AMD1: variants seen among roughly 807,000 people sequenced by gnomAD.
The protein encoded by AMD1 is adenosylmethionine decarboxylase 1.
Under a neutral mutation model 40.2 loss-of-function variants are expected in AMD1, and 11 were observed. The ratio of observed to expected loss-of-function variants is 0.27; its 90% confidence interval spans 0.17 to 0.45. The LOEUF (loss-of-function observed/expected upper bound fraction) is 0.45. AMD1 is among the 20% of genes least tolerant of loss of function. The pLI, the probability that AMD1 is intolerant of heterozygous loss-of-function variation, is 1.00. For synonymous variants in AMD1, 121 were observed against 130.8 expected (o/e 0.93, Z 0.51); for missense variants, 257 against 410.2 (o/e 0.63, Z 3.23).
the AMD1 span, among the ~76,000 whole-genome samples, chr6:110,843,623 A>G: frequency 6.6e-6 from 1 of 152,146 alleles, no homozygotes; most frequent in African/African-American, 2.4e-5. Context: ...GGGTCTCACT[A>G]TTACCCAGGC....
chr6:110,859,024 G>A, the AMD1 span: 3 of 1,215,630 alleles, frequency 2.5e-6, no homozygotes, highest in Non-Finnish European at 2.4e-6. Context: ...GGCCTGGGCC[G>A]GCAGATACAT....
At chr6:110,851,289 A>T in the AMD1 span, among the ~76,000 whole-genome samples, 1 of 152,124 alleles carries the variant, frequency 6.6e-6, no homozygotes, top group African/African-American at 2.4e-5. Context: ...TTTAATAAAG[A>T]AGGGGTCTCA....
the AMD1 span, among the ~76,000 whole-genome samples, chr6:110,851,569 T>C: frequency 1.9e-4 from 29 of 152,076 alleles, no homozygotes; most frequent in South Asian, 6.0e-3. Context: ...TTCAAGCGAT[T>C]CTCCTGACTC....
rs1786247277 is a variant in AMD1, at chr6:110,895,413, C to CA, written c.*1799dup. 1.3e-5 allele frequency: 2 copies of CA among 151,830 alleles called. No homozygotes were observed. Among genetic ancestry groups the CA allele is most frequent in the African/African-American group, 4.8e-5 (2 of 41,248 alleles). The allele number at this position is 151,830 out of a possible 1,614,324, so 9.4% of individuals were successfully genotyped here. On this transcript the variant is annotated 3_prime_UTR_variant, in exon 9 of 9. Coordinates refer to ENST00000368885, the MANE Select transcript of AMD1 (RefSeq NM_001634.6). ...TGGACTTTGTTCGTAAACAATATCC[C>CA]AATAGATTTGTTGACTTGAGGTCTG...
chr6:110,857,641 A>ATATATATAGGTGG, the AMD1 span, among the ~76,000 whole-genome samples: 1,542 of 130,384 alleles, frequency 0.012, 16 homozygotes, highest in Middle Eastern at 0.024. Flanking sequence ...TATAGATGGT[A>ATATATATAGGTGG]TATATATATA....
the AMD1 span, among the ~76,000 whole-genome samples, chr6:110,851,744 G>T: frequency 1.5e-3 from 222 of 152,264 alleles, 1 homozygote; most frequent in African/African-American, 5.2e-3. Flanking sequence ...TTACAAGTGT[G>T]AGCCACTGCA....
the AMD1 span, among the ~76,000 whole-genome samples, chr6:110,844,233 A>AAAAAG: frequency 7.3e-5 from 11 of 151,538 alleles, no homozygotes; most frequent in South Asian, 1.9e-3. Context: ...ACTTCAAAAA[A>AAAAAG]AAAGAAAGAA....
chr6:110,887,185 G>A (rs1380010612), intron 1 of AMD1, among the ~76,000 whole-genome samples: 1 of 151,972 alleles, frequency 6.6e-6, no homozygotes, highest in Non-Finnish European at 1.5e-5. Context: ...TATAGACAAA[G>A]TATCCCATTG....
At chr6:110,830,529 C>T in the AMD1 span, among the ~76,000 whole-genome samples, 194 of 152,310 alleles carry the variant, frequency 1.3e-3, 1 homozygote, top group African/African-American at 4.5e-3. Flanking sequence ...CACTGCTTTT[C>T]TGAAAATTTC....
chr6:110,860,212 C>T, the AMD1 span, among the ~76,000 whole-genome samples: 45 of 151,768 alleles, frequency 3.0e-4, no homozygotes, highest in East Asian at 3.9e-3. Context: ...CCTGGCCACA[C>T]GCCCCACCGA....
the AMD1 span, chr6:110,863,958 C>T: frequency 1.1e-5 from 5 of 469,844 alleles, no homozygotes; most frequent in Admixed American, 5.0e-5. Context: ...AACCAGTTAC[C>T]ACTAATCTTT....
chr6:110,890,405 T>TG, intron 4 of AMD1, 49 bp downstream of exon 4: 1 of 1,322,730 alleles, frequency 7.6e-7, no homozygotes, highest in South Asian at 1.3e-5. Context: ...AGATAGAAAG[T>TG]GCAACCTCAG....
At chr6:110,858,362 A>G in the AMD1 span, 1 of 812,130 alleles carries the variant, frequency 1.2e-6, no homozygotes, top group Non-Finnish European at 2.2e-6. Context: ...CGAGGGACTC[A>G]CCAGCCTCTC....
At chr6:110,835,342 C>T in the AMD1 span, among the ~76,000 whole-genome samples, 1 of 152,020 alleles carries the variant, frequency 6.6e-6, no homozygotes, top group Non-Finnish European at 1.5e-5. Flanking sequence ...TATGATACTA[C>T]ATAAAAACTC....
intron 6 of AMD1, 84 bp downstream of exon 6, chr6:110,892,527 AG>A: frequency 6.4e-7 from 1 of 1,572,838 alleles, no homozygotes. Context: ...TTTTAAGTTC[AG>A]GGTAACAAGT....
chr6:110,834,711 C>A, the AMD1 span, among the ~76,000 whole-genome samples: 2 of 152,086 alleles, frequency 1.3e-5, no homozygotes, highest in East Asian at 3.9e-4. Context: ...GTAATCCCAG[C>A]ACTTTGGGAA....
chr6:110,840,047 T>C, the AMD1 span, among the ~76,000 whole-genome samples: 2 of 144,812 alleles, frequency 1.4e-5, no homozygotes, highest in Non-Finnish European at 3.0e-5. Context: ...AGATGGAGTT[T>C]CCCTCTTGTT....
At chr6:110,874,128 CT>C (rs1466671036), upstream of AMD1, among the ~76,000 whole-genome samples, 1 of 152,226 alleles carries the variant, frequency 6.6e-6, no homozygotes, top group Admixed American at 6.5e-5. Flanking sequence ...CGCCACGTTG[CT>C]TTTCTCTTCT....
rs1019507794 is a variant in AMD1 at position 110,894,720 on chromosome 6, A to AGT, written c.*1105_*1106dup. The AGT allele has an allele frequency of 2.6e-5, 4 of 152,174 alleles. No homozygotes were observed. Among genetic ancestry groups the AGT allele is most frequent in the African/African-American group, 9.7e-5 (4 of 41,432 alleles). The allele number at this position is 152,174 out of a possible 1,614,324, so 9.4% of individuals were successfully genotyped here. ...CAGCCATTTCCACTAGTTTCCATTAAGTAGTGTTCTATAAACTTTGATCCA... is the reference window on the plus strand; with the variant it reads ...CAGCCATTTCCACTAGTTTCCATTAAGTGTAGTGTTCTATAAACTTTGATCCA... On this transcript the variant is annotated 3_prime_UTR_variant, in exon 9 of 9. Coordinates refer to ENST00000368885, the MANE Select transcript of AMD1 (RefSeq NM_001634.6).
Sources: allele counts gnomAD v4.1 joint callset (sites outside exome capture counted in the v4.1 genomes callset), GRCh38; gene constraint gnomAD v4.1.1; transcripts MANE v1.5; gene names NCBI Gene and HGNC (gene_info 2026-07-23, HGNC 2026-07-21).